Variants in TGM4 observed in about 807,000 individuals in gnomAD.
TGM4 encodes the protein protein-glutamine gamma-glutamyltransferase 4.
TGM4 carries 61 observed loss-of-function variants against 76.3 expected under a neutral mutation model. The observed-to-expected ratio is 0.80, with a 90% CI of 0.65 to 0.99. The LOEUF (loss-of-function observed/expected upper bound fraction) is 0.99. Ranked by LOEUF, TGM4 falls within the 50% of genes least tolerant of loss-of-function variation. The probability of loss-of-function intolerance (pLI) is 0.00; values close to 1 mark genes in which losing one functional copy is unlikely to be tolerated. For synonymous variants in TGM4, 337 were observed against 329.8 expected, an observed-to-expected ratio of 1.02 and a Z score of -0.24; for missense variants, 794 against 843.2, an observed-to-expected ratio of 0.94 and a Z score of 0.72.
In TGM4 at chr3:44,910,070, TG is replaced by T; in HGVS notation, c.1328-19del. ...CCTTGAAGGAGCACCTGAAGGAAGCTGCCTTTGTGTCTCTTTCAGGCTCCTC... is the reference window on the plus strand; with the variant it reads ...CCTTGAAGGAGCACCTGAAGGAAGCTCCTTTGTGTCTCTTTCAGGCTCCTC... On this transcript the variant is annotated intron_variant, in intron 10 of 13. Coordinates refer to ENST00000296125, the MANE Select transcript of TGM4 (RefSeq NM_003241.4). 6.2e-7 allele frequency: 1 copy of T among 1,606,302 alleles called. No individual in the cohort carries two copies. Among genetic ancestry groups the T allele is most frequent in the East Asian group, 2.2e-5 (1 of 44,756 alleles).
At chr3:44,883,164 G>A (rs1699555926) in intron 1 of TGM4, among the ~76,000 whole-genome samples, 1 of 152,222 alleles carries the variant, frequency 6.6e-6, no homozygotes, top group African/African-American at 2.4e-5. Context: ...GGGTCCCACA[G>A]CAGGAGCTCT....
At chr3:44,879,969 A>C (rs1002382060) in intron 1 of TGM4, among the ~76,000 whole-genome samples, 1 of 151,528 alleles carries the variant, frequency 6.6e-6, no homozygotes, top group African/African-American at 2.4e-5. Context: ...AGTTAATTAA[A>C]TAATTTTTTT....
rs375379680 is a variant in TGM4, at chr3:44,888,014, A to C, written c.300+219A>C. ...GCTGTGGCCAAACCTCCTACATGTC[A>C]CCCTTCCCCTTTCCATTTCAAAGGG... On this transcript the variant is annotated intron_variant, in intron 3 of 13. Coordinates refer to ENST00000296125, the MANE Select transcript of TGM4 (RefSeq NM_003241.4). 9.2e-4 allele frequency: 499 copies of C among 540,750 alleles called. 2 individuals are homozygous for C. Among genetic ancestry groups the C allele is most frequent in the Middle Eastern group, 4.3e-3 (12 of 2,800 alleles). The allele number at this position is 540,750 out of a possible 1,614,324, so 33.5% of individuals were successfully genotyped here. A position where few individuals can be genotyped will look rare whatever the true frequency, so the allele number is the denominator to read the frequency against.
intron 3 of TGM4, chr3:44,890,302 A>G: frequency 3.4e-6 from 1 of 290,582 alleles, no homozygotes; most frequent in Non-Finnish European, 6.6e-6. Context: ...TATCACCTCC[A>G]GGCTGTGGTG....
intron 3 of TGM4, chr3:44,888,138 G>A: frequency 3.9e-6 from 1 of 259,012 alleles, no homozygotes. Context: ...GGCTTTTTCT[G>A]TGTCATGGTC....
rs565607903 is a variant in TGM4 at position 44,891,009 on chromosome 3, C to T, written c.430+277C>T. ...TCCACCACTGTACAGAGGCTGCCTTCGTGGGGGTGGGGAGGGGCCACCAAG... is the reference window on the plus strand; with the variant it reads ...TCCACCACTGTACAGAGGCTGCCTTTGTGGGGGTGGGGAGGGGCCACCAAG... On this transcript the variant is annotated intron_variant, in intron 4 of 13. Coordinates refer to ENST00000296125, the MANE Select transcript of TGM4 (RefSeq NM_003241.4). Among the ~76,000 whole-genome samples, 86 of 152,280 alleles carry T rather than the reference C, an allele frequency of 5.6e-4. 1 individual carries two copies. In the South Asian group the frequency reaches 0.016, roughly 28 times the overall value.
chr3:44,877,585 C>CTA (rs1699467494), intron 1 of TGM4, among the ~76,000 whole-genome samples: 1 of 151,338 alleles, frequency 6.6e-6, no homozygotes, highest in Middle Eastern at 3.4e-3. Context: ...GGCCAAGACT[C>CTA]TGTCTCTTAA....
chr3:44,892,660 C>T (rs1231897922), intron 4 of TGM4, among the ~76,000 whole-genome samples: 4 of 152,106 alleles, frequency 2.6e-5, no homozygotes, highest in Admixed American at 6.5e-5. Context: ...CATGAGGCAC[C>T]GCACCCAGCC....
At chr3:44,902,279 T>C (rs753991737) in intron 8 of TGM4, among the ~76,000 whole-genome samples, 5 of 152,178 alleles carry the variant, frequency 3.3e-5, no homozygotes, top group Non-Finnish European at 7.4e-5. Flanking sequence ...GGACAATCTG[T>C]GCTGGAATCA....
intron 8 of TGM4, among the ~76,000 whole-genome samples, chr3:44,902,992 CA>C (rs1295343560): frequency 6.6e-6 from 1 of 152,226 alleles, no homozygotes; most frequent in Admixed American, 6.5e-5. Flanking sequence ...GTTCACGTAC[CA>C]AGATGAGAAA....
chr3:44,879,215 T>C (rs1220806732), intron 1 of TGM4, among the ~76,000 whole-genome samples: 2 of 149,398 alleles, frequency 1.3e-5, no homozygotes, highest in East Asian at 3.9e-4. Context: ...TCCCTAGCCA[T>C]TTTTGACTTG....
intron 1 of TGM4, among the ~76,000 whole-genome samples, chr3:44,875,713 C>G (rs532436278): frequency 7.2e-5 from 11 of 152,336 alleles, no homozygotes; most frequent in Admixed American, 1.3e-4. Flanking sequence ...CTTGATAAGC[C>G]AAGGAATGGC....
chr3:44,884,870 G>A (rs1037635095), intron 1 of TGM4, among the ~76,000 whole-genome samples: 2 of 152,034 alleles, frequency 1.3e-5, no homozygotes, highest in East Asian at 1.9e-4. Flanking sequence ...CAGTTTGCCC[G>A]CTCCCCTCTT....
At chr3:44,879,461 C>G (rs945232619) in intron 1 of TGM4, among the ~76,000 whole-genome samples, 2 of 149,674 alleles carry the variant, frequency 1.3e-5, no homozygotes, top group East Asian at 2.0e-4. Flanking sequence ...CATGTGCCAC[C>G]AAGCCTGGCT....
chr3:44,913,436 T>C, intron 13 of TGM4, 148 bp from the exon 14 acceptor site: 2 of 942,338 alleles, frequency 2.1e-6, no homozygotes, highest in Non-Finnish European at 3.1e-6. Context: ...AGGGTGCAGG[T>C]ACACTGTGCC....
intron 10 of TGM4, among the ~76,000 whole-genome samples, chr3:44,908,673 A>T (rs1699958897): frequency 6.6e-6 from 1 of 152,116 alleles, no homozygotes; most frequent in Non-Finnish European, 1.5e-5. Flanking sequence ...GTTCTTTTTT[A>T]AAAATAATTT....
intron 8 of TGM4, 140 bp from the exon 9 acceptor site, chr3:44,903,744 G>C: frequency 1.3e-6 from 1 of 774,234 alleles, no homozygotes; most frequent in Non-Finnish European, 2.2e-6. Context: ...CCTTGCCAGT[G>C]TTGACAAAGG....
At chr3:44,909,340 C>G (rs554861228) in intron 10 of TGM4, among the ~76,000 whole-genome samples, 33 of 152,348 alleles carry the variant, frequency 2.2e-4, no homozygotes, top group African/African-American at 7.7e-4. Flanking sequence ...CATTTTGTCC[C>G]TCAGCTTTTC....
intron 9 of TGM4, among the ~76,000 whole-genome samples, chr3:44,906,622 T>C (rs936837611): frequency 6.6e-6 from 1 of 152,140 alleles, no homozygotes; most frequent in African/African-American, 2.4e-5. Flanking sequence ...CAAGGTCACA[T>C]AGCTCCAAGG....
Sources: gnomAD v4.1 joint callset for allele counts (sites outside exome capture counted in the v4.1 genomes callset) on GRCh38, gnomAD v4.1.1 for gene constraint, MANE v1.5 for transcripts, NCBI Gene and HGNC (gene_info 2026-07-23, HGNC 2026-07-21) for gene names.